The following NRG3 variants were observed in gnomAD, a reference collection of about 807,000 sequenced individuals.
The protein encoded by NRG3 is pro-neuregulin-3, membrane-bound isoform.
NRG3 carries 31 observed loss-of-function variants against 66.9 expected under a neutral mutation model. That is an observed-to-expected ratio of 0.46 (90% CI 0.35 to 0.63). The LOEUF (loss-of-function observed/expected upper bound fraction) is 0.63. Ranked by LOEUF, NRG3 falls within the 20% of genes least tolerant of loss-of-function variation. NRG3 has a pLI of 0.00. For synonymous variants in NRG3, 393 were observed against 359.4 expected, an observed-to-expected ratio of 1.09 and a Z score of -1.06; for missense variants, 910 against 878.9, an observed-to-expected ratio of 1.04 and a Z score of -0.45.
intron 2 of NRG3, among the ~76,000 whole-genome samples, chr10:82,440,280 T>C (rs1291920243): frequency 1.3e-5 from 2 of 151,914 alleles, no homozygotes; most frequent in Admixed American, 6.5e-5. Flanking sequence ...TGTACATACT[T>C]ACATCTCATT....
At chr10:82,862,695 GC>G (rs1465365977) in intron 3 of NRG3, among the ~76,000 whole-genome samples, 1 of 152,078 alleles carries the variant, frequency 6.6e-6, no homozygotes, top group Non-Finnish European at 1.5e-5. Context: ...ACCTCACTTT[GC>G]AATACTTTCG....
At chr10:82,361,319 A>G (rs2084124852) in intron 2 of NRG3, among the ~76,000 whole-genome samples, 1 of 152,232 alleles carries the variant, frequency 6.6e-6, no homozygotes, top group African/African-American at 2.4e-5. Context: ...TAATCATGAC[A>G]AAAGACTAGC....
At chr10:82,781,153 C>T (rs1444528173) in intron 3 of NRG3, among the ~76,000 whole-genome samples, 1 of 152,152 alleles carries the variant, frequency 6.6e-6, no homozygotes, top group Non-Finnish European at 1.5e-5. Context: ...AACCAGTCTA[C>T]CTTCCTCTTT....
chr10:82,359,622 T>G (rs1456842032), intron 2 of NRG3, among the ~76,000 whole-genome samples: 1 of 152,164 alleles, frequency 6.6e-6, no homozygotes, highest in Non-Finnish European at 1.5e-5. Flanking sequence ...ATCTGAAAAA[T>G]ATTTCTTACC....
intron 2 of NRG3, among the ~76,000 whole-genome samples, chr10:82,709,343 G>T (rs1477731153): frequency 1.3e-5 from 2 of 151,350 alleles, no homozygotes; most frequent in Non-Finnish European, 3.0e-5. Flanking sequence ...TTTTTTGTTT[G>T]TTCCAGCAGC....
At chr10:81,993,457 C>G (rs2060817464) in intron 1 of NRG3, among the ~76,000 whole-genome samples, 1 of 152,128 alleles carries the variant, frequency 6.6e-6, no homozygotes, top group Non-Finnish European at 1.5e-5. Flanking sequence ...AATGATCCTC[C>G]TGCCTTAGCC....
chr10:82,873,052 C>G (rs1421218902), intron 4 of NRG3, among the ~76,000 whole-genome samples: 1 of 152,076 alleles, frequency 6.6e-6, no homozygotes, highest in African/African-American at 2.4e-5. Flanking sequence ...ATTGAGGAAG[C>G]CATGCCAAAC....
In NRG3 at chr10:82,293,773, T is replaced by C. The variant is rs531385454; in HGVS notation, c.824-64966T>C. ...AATAAATAAGGAATAAAGATAAATT[T>C]ATCTTGATGTACCTGCTTCAGCCTC... On this transcript the variant is annotated intron_variant, in intron 1 of 8. Transcript: ENST00000372141. Among the ~76,000 whole-genome samples, 4 of 152,294 alleles carry C rather than the reference T, an allele frequency of 2.6e-5. No homozygotes were observed. In the South Asian group the frequency reaches 6.2e-4, roughly 24 times the overall value.
intron 2 of NRG3, among the ~76,000 whole-genome samples, chr10:82,564,010 A>G (rs1421708119): frequency 6.6e-6 from 1 of 152,114 alleles, no homozygotes; most frequent in African/African-American, 2.4e-5. Context: ...ATTAAAATTA[A>G]AAGTACTTCT....
chr10:82,468,840 GGAGA>G (rs1590234256), intron 2 of NRG3, among the ~76,000 whole-genome samples: 1 of 151,550 alleles, frequency 6.6e-6, no homozygotes, highest in African/African-American at 2.4e-5. Flanking sequence ...GATATTGAGA[GGAGA>G]GAGAGAGAGA....
At chr10:82,917,992 ATG>A (rs200241963) in intron 4 of NRG3, among the ~76,000 whole-genome samples, 22,513 of 102,996 alleles carry the variant, frequency 0.22, 2,476 homozygotes, top group Non-Finnish European at 0.31. Context: ...ATATATATAT[ATG>A]TATGTATGTA....
intron 3 of NRG3, among the ~76,000 whole-genome samples, chr10:82,821,490 C>T (rs2061952482): frequency 1.4e-5 from 2 of 143,880 alleles, no homozygotes; most frequent in South Asian, 4.5e-4. Flanking sequence ...TGAAGTTTTG[C>T]CCACACTTAA....
chr10:82,584,234 G>T (rs1006829608), intron 2 of NRG3, among the ~76,000 whole-genome samples: 1 of 152,074 alleles, frequency 6.6e-6, no homozygotes, highest in Non-Finnish European at 1.5e-5. Flanking sequence ...TTACAGGAGT[G>T]TGCTGCCACA....
At chr10:82,135,423 A>G (rs1035928998) in intron 1 of NRG3, among the ~76,000 whole-genome samples, 2 of 152,050 alleles carry the variant, frequency 1.3e-5, no homozygotes, top group African/African-American at 4.8e-5. Flanking sequence ...CTTTAAATAA[A>G]CTTTCTACCC....
intron 1 of NRG3, among the ~76,000 whole-genome samples, chr10:82,044,683 T>C (rs989921089): frequency 6.6e-6 from 1 of 151,968 alleles, no homozygotes; most frequent in Admixed American, 6.6e-5. Flanking sequence ...CTATTAACTC[T>C]TCATTTAGCA....
chr10:82,083,017 C>CT (rs1564544841), intron 1 of NRG3, among the ~76,000 whole-genome samples: 2 of 151,650 alleles, frequency 1.3e-5, no homozygotes, highest in African/African-American at 4.8e-5. Context: ...ATAGCTCACA[C>CT]TGTCTCTCAA....
chr10:82,205,954 C>G (rs1337427566), intron 1 of NRG3, among the ~76,000 whole-genome samples: 1 of 152,152 alleles, frequency 6.6e-6, no homozygotes, highest in Non-Finnish European at 1.5e-5. Flanking sequence ...TATTGATTCT[C>G]TAGTTCAGTT....
intron 3 of NRG3, among the ~76,000 whole-genome samples, chr10:82,839,554 A>G (rs749184463): frequency 1.3e-4 from 20 of 151,606 alleles, no homozygotes; most frequent in Non-Finnish European, 2.7e-4. Context: ...TTTTTAATCT[A>G]CTATGTATAT....
chr10:82,408,079 G>GAC lies in NRG3; in HGVS notation c.953+49212_953+49213insCA, dbSNP rs1590021211. ...AGAGAGAGAGAGAGAGAGAGAGAGA[G>GAC]AGAGACAGAAAGAAAGAAAGAAAGA... On this transcript the variant is annotated intron_variant, in intron 2 of 8. Coordinates refer to ENST00000372141, the MANE Select transcript of NRG3 (RefSeq NM_001010848.4). 4.6e-4 allele frequency among the ~76,000 whole-genome samples: 57 copies of GAC among 123,242 alleles called. No individual in the cohort carries two copies. The East Asian group carries it at 5.0e-3, about 11-fold the overall frequency. The allele number at this position is 123,242 out of a possible 152,430, so 80.9% of individuals were successfully genotyped here.
Sources: allele counts gnomAD v4.1 joint callset (sites outside exome capture counted in the v4.1 genomes callset), GRCh38; gene constraint gnomAD v4.1.1; transcripts MANE v1.5; gene names NCBI Gene and HGNC (gene_info 2026-07-23, HGNC 2026-07-21).